The following CAMK2D variants were observed in gnomAD, a reference collection of about 807,000 sequenced individuals.
The protein encoded by CAMK2D is calcium/calmodulin-dependent protein kinase type II subunit delta.
CAMK2D carries 37 observed loss-of-function variants against 84.0 expected under a neutral mutation model. That is an observed-to-expected ratio of 0.44 (90% CI 0.34 to 0.58). The LOEUF (loss-of-function observed/expected upper bound fraction) is 0.58. Ranked by LOEUF, CAMK2D falls within the 20% of genes least tolerant of loss-of-function variation. The pLI is 0.02. For synonymous variants in CAMK2D, 202 were observed against 212.5 expected, an observed-to-expected ratio of 0.95 and a Z score of 0.43; for missense variants, 448 against 652.5, an observed-to-expected ratio of 0.69 and a Z score of 3.41.
chr4:113,635,356 G>A (rs1166405931), intron 3 of CAMK2D, among the ~76,000 whole-genome samples: 1 of 152,146 alleles, frequency 6.6e-6, no homozygotes, highest in East Asian at 1.9e-4. Flanking sequence ...GTCTTTTCAA[G>A]CTCTAAAATC....
At chr4:113,617,452 TA>T (rs1190967092) in intron 3 of CAMK2D, among the ~76,000 whole-genome samples, 55 of 147,432 alleles carry the variant, frequency 3.7e-4, no homozygotes, top group Admixed American at 3.7e-3. Flanking sequence ...AACAGAGTGA[TA>T]CCCTGTCTTA....
At chr4:113,554,442 T>C (rs1158887600) in intron 4 of CAMK2D, among the ~76,000 whole-genome samples, 2 of 152,152 alleles carry the variant, frequency 1.3e-5, no homozygotes, top group Non-Finnish European at 2.9e-5. Context: ...CAATAAATCA[T>C]AATAGCTTTA....
intron 3 of CAMK2D, among the ~76,000 whole-genome samples, chr4:113,642,042 CAA>C (rs1561544333): frequency 6.6e-6 from 1 of 151,748 alleles, no homozygotes; most frequent in African/African-American, 2.4e-5. Context: ...AAATAATAAA[CAA>C]TAAATAAATA....
In CAMK2D at chr4:113,710,035, G is replaced by A. The variant is rs1223360273; in HGVS notation, c.161-48263C>T. On this transcript the variant is annotated intron_variant, in intron 2 of 20. Coordinates refer to ENST00000511664, the MANE Select transcript of CAMK2D (RefSeq NM_001321571.2). ...GGATATTTGGAAGAAAACTATTTAA[G>A]GCTCCAATCGCTCTGGGTTCACCAG... Among the ~76,000 whole-genome samples, 12 of 151,516 alleles carry A rather than the reference G, an allele frequency of 7.9e-5. No homozygotes were observed. In the Admixed American group the frequency reaches 7.9e-4, roughly 10 times the overall value.
At chr4:113,594,855 GAAGA>G (rs958840227) in intron 4 of CAMK2D, among the ~76,000 whole-genome samples, 10 of 152,256 alleles carry the variant, frequency 6.6e-5, no homozygotes, top group African/African-American at 2.4e-4. Context: ...AGTGGAAGGA[GAAGA>G]AAGAGAGAAA....
intron 2 of CAMK2D, among the ~76,000 whole-genome samples, chr4:113,728,347 G>T (rs768010317): frequency 1.8e-4 from 27 of 152,132 alleles, no homozygotes; most frequent in Non-Finnish European, 2.8e-4. Flanking sequence ...TAACAACACA[G>T]ATGAGACTCC....
intron 2 of CAMK2D, among the ~76,000 whole-genome samples, chr4:113,737,516 T>C (rs1451044735): frequency 1.3e-5 from 2 of 152,076 alleles, no homozygotes; most frequent in Non-Finnish European, 2.9e-5. Flanking sequence ...TTAATGAATA[T>C]AGAGTTCTAG....
intron 4 of CAMK2D, among the ~76,000 whole-genome samples, chr4:113,560,606 A>G (rs1256726769): frequency 6.6e-6 from 1 of 152,160 alleles, no homozygotes; most frequent in Non-Finnish European, 1.5e-5. Context: ...CCTTTTTAGC[A>G]TGATGAAAGG....
intron 3 of CAMK2D, among the ~76,000 whole-genome samples, chr4:113,618,586 C>A (rs986685784): frequency 6.6e-6 from 1 of 152,060 alleles, no homozygotes; most frequent in Non-Finnish European, 1.5e-5. Flanking sequence ...TTAAGAAATG[C>A]AATATAACTG....
chr4:113,611,410 T>C (rs774571280), intron 3 of CAMK2D, among the ~76,000 whole-genome samples: 13 of 152,186 alleles, frequency 8.5e-5, no homozygotes, highest in Non-Finnish European at 1.8e-4. Context: ...ACAATTATTC[T>C]GGAAAATAAG....
At chr4:113,660,648 T>C (rs1030789005) in intron 3 of CAMK2D, among the ~76,000 whole-genome samples, 12 of 151,852 alleles carry the variant, frequency 7.9e-5, no homozygotes, top group African/African-American at 2.9e-4. Flanking sequence ...GCCTCACCCC[T>C]CCAAAGTGCT....
chr4:113,718,994 T>C (rs1455081048), intron 2 of CAMK2D, among the ~76,000 whole-genome samples: 3 of 150,494 alleles, frequency 2.0e-5, no homozygotes, highest in Non-Finnish European at 4.4e-5. Flanking sequence ...ATGAAATAGA[T>C]AACAATTTAA....
At chr4:113,760,871 G>A (rs928966092) in intron 1 of CAMK2D, 133 bp downstream of exon 1, 4 of 1,126,376 alleles carry the variant, frequency 3.6e-6, no homozygotes, top group Non-Finnish European at 5.2e-6. Context: ...CCCCAGAGCT[G>A]ACAAACCAGG....
At chr4:113,524,056 G>A (rs2154176531) in intron 8 of CAMK2D, among the ~76,000 whole-genome samples, 1 of 152,062 alleles carries the variant, frequency 6.6e-6, no homozygotes, top group South Asian at 2.1e-4. Flanking sequence ...TTTTTGTAGA[G>A]GTAGGGTCAC....
At chr4:113,479,171 G>A (rs1032001764) in intron 16 of CAMK2D, among the ~76,000 whole-genome samples, 3 of 152,070 alleles carry the variant, frequency 2.0e-5, no homozygotes, top group Non-Finnish European at 4.4e-5. Context: ...TTTCTAAAAG[G>A]GACATTATAT....
intron 4 of CAMK2D, 100 bp downstream of exon 4, chr4:113,609,052 G>C: frequency 1.6e-6 from 1 of 633,570 alleles, no homozygotes; most frequent in South Asian, 2.1e-5. Context: ...AAAAAATATT[G>C]TAGCAGTCAG....
chr4:113,626,793 C>T (rs1308244067), intron 3 of CAMK2D, among the ~76,000 whole-genome samples: 2 of 152,170 alleles, frequency 1.3e-5, no homozygotes, highest in Admixed American at 6.5e-5. Context: ...CTTTAAACAA[C>T]ATTTCTCGTA....
At chr4:113,613,390 C>T (rs2099008638) in intron 3 of CAMK2D, among the ~76,000 whole-genome samples, 1 of 151,854 alleles carries the variant, frequency 6.6e-6, no homozygotes, top group Non-Finnish European at 1.5e-5. Context: ...TTGCCAAATA[C>T]CTGGTGGGAT....
chr4:113,619,129 T>G (rs941350900), intron 3 of CAMK2D, among the ~76,000 whole-genome samples: 4 of 151,028 alleles, frequency 2.6e-5, no homozygotes, highest in Non-Finnish European at 5.9e-5. Context: ...CAGTTGCTCA[T>G]AAAAACCCCA....
Sources: gnomAD v4.1 joint callset for allele counts (sites outside exome capture counted in the v4.1 genomes callset) on GRCh38, gnomAD v4.1.1 for gene constraint, MANE v1.5 for transcripts, NCBI Gene and HGNC (gene_info 2026-07-23, HGNC 2026-07-21) for gene names.